Variants in ICE2 observed in about 807,000 individuals in gnomAD.
ICE2 encodes little elongation complex subunit 2.
In ICE2, 87 loss-of-function variants were observed where a neutral mutation model predicts 105.4. The observed-to-expected ratio is 0.83, with a 90% CI of 0.69 to 0.99. The LOEUF (loss-of-function observed/expected upper bound fraction) is 0.99, where lower values mean the gene tolerates loss of function less well. Among genes scored for constraint, ICE2 ranks in the 50% least tolerant of loss-of-function variants. The pLI is 0.00. For missense variants in ICE2, 1,323 were observed against 1,146.7 expected (o/e 1.15, Z -2.22); for synonymous variants, 399 against 392.0 (o/e 1.02, Z -0.21).
In ICE2 at chr15:60,468,166, T is replaced by C. The variant is rs2064483363; in HGVS notation, c.303A>G (p.Ser101=). The part of the protein sequence containing the change: ...RVPYPRFSRF[S]QREQRSYVDL... ...CCACATAACTCCTCTGCTCTCTCTG[T>C]GAGAAACGAGAGAAACGAGGATAAG... The change falls in exon 4 of 16, where the codon TCA becomes TCG. Residue 101 remains serine, a synonymous_variant. Transcript: ENST00000261520. 1 of 1,613,982 alleles carries C rather than the reference T, an allele frequency of 6.2e-7. No individual in the cohort carries two copies. The highest frequency in any genetic ancestry group is 1.3e-5 in the African/African-American group (1 of 74,930).
intron 11 of ICE2, among the ~76,000 whole-genome samples, chr15:60,444,378 GA>G (rs903473474): frequency 2.0e-5 from 3 of 151,328 alleles, no homozygotes; most frequent in African/African-American, 7.3e-5. Context: ...GAAGCCAGGG[GA>G]AAAAAAAGGC....
intron 11 of ICE2, chr15:60,445,449 T>C: frequency 2.3e-6 from 1 of 429,534 alleles, no homozygotes; most frequent in African/African-American, 2.1e-5. Flanking sequence ...GGGGCATACA[T>C]TTTACTAAGA....
intron 11 of ICE2, among the ~76,000 whole-genome samples, chr15:60,446,433 T>C (rs954352030): frequency 6.6e-6 from 1 of 152,188 alleles, no homozygotes; most frequent in Admixed American, 6.5e-5. Context: ...TCTCACTCTG[T>C]TGCCCAGGCT....
chr15:60,440,282 GTGC>G (rs2063690977), intron 12 of ICE2: 1 of 152,154 alleles, frequency 6.6e-6, no homozygotes, highest in African/African-American at 2.4e-5. Flanking sequence ...ACTAAAACTT[GTGC>G]TTATTGAAAC....
Position 60,422,972 on chromosome 15 carries a change from G to C in ICE2, c.*662C>G, listed in dbSNP as rs534082345. On this transcript the variant is annotated 3_prime_UTR_variant, in exon 16 of 16. Transcript: ENST00000261520. ...TTTCAACACTCAGCTTGAATCTAGA[G>C]ATAGAGGCATCTGTCATCAAACATG... The C allele has an allele frequency of 1.3e-5, 2 of 152,660 alleles. No homozygotes were observed. The highest frequency in any genetic ancestry group is 4.1e-4 in the South Asian group (2 of 4,826). The allele number at this position is 152,660 out of a possible 1,614,324, so 9.5% of individuals were successfully genotyped here.
rs770917816 is a variant in ICE2, at chr15:60,449,195, T to C, written c.1772A>G (p.Lys591Arg). 8 of 1,613,994 alleles carry C rather than the reference T, an allele frequency of 5.0e-6. No individual in the cohort carries two copies. The highest frequency in any genetic ancestry group is 1.3e-5 in the African/African-American group (1 of 74,942). Reference sequence around the variant, plus strand: ...TAAGTTAGAACCCACAACAGCTGTCTTTCCATCACTATTATTTTTACATTC... The same window carrying C: ...TAAGTTAGAACCCACAACAGCTGTCCTTCCATCACTATTATTTTTACATTC... ...DTECKNNSDG[K>R]TAVVGSNLSS... Residue 591 changes from lysine to arginine, a missense_variant, in exon 10 of 16, where the codon AAG becomes AGG. Physicochemically the swap from Lys to Arg is conservative, Grantham distance 26. Transcript: ENST00000261520.
In ICE2 at chr15:60,432,505, A is replaced by G. The variant is rs140082840; in HGVS notation, c.2511-521T>C. On this transcript the variant is annotated intron_variant, in intron 13 of 15. Coordinates refer to ENST00000261520, the MANE Select transcript of ICE2 (RefSeq NM_024611.6). ...GGGTCGGGCCAATTTTTGCCATTTCATGATTTCCTTTCATTATCATAATGT... is the reference window on the plus strand; with the variant it reads ...GGGTCGGGCCAATTTTTGCCATTTCGTGATTTCCTTTCATTATCATAATGT... 1.7e-3 allele frequency among the ~76,000 whole-genome samples: 262 copies of G among 151,852 alleles called. 5 individuals carry two copies. The East Asian group carries it at 0.046, about 26-fold the overall frequency.
At chr15:60,453,811 G>A in intron 8 of ICE2, 27 bp from the exon 9 acceptor site, 1 of 1,504,104 alleles carries the variant, frequency 6.6e-7, no homozygotes, top group Non-Finnish European at 9.2e-7. Context: ...AAGAAAAGAG[G>A]TGATTAGTAT....
chr15:60,467,731 T>C (rs2141142459), intron 4 of ICE2, among the ~76,000 whole-genome samples: 1 of 152,372 alleles, frequency 6.6e-6, no homozygotes, highest in African/African-American at 2.4e-5. Context: ...GCTACAAAGA[T>C]GTTCAGCATA....
In ICE2 at chr15:60,476,622, C is replaced by T. The variant is rs116754743; in HGVS notation, c.42-455G>A. 6.2e-3 allele frequency among the ~76,000 whole-genome samples: 945 copies of T among 152,268 alleles called. 17 individuals are homozygous for T. The highest frequency in any genetic ancestry group is 0.022 in the African/African-American group (920 of 41,544). On this transcript the variant is annotated intron_variant, in intron 2 of 15. Transcript: ENST00000261520. ...AAAAGACACTACAAAGACTAAATAGCCTAGCTATTTTGTTTACTTTGGCAA... is the reference window on the plus strand; with the variant it reads ...AAAAGACACTACAAAGACTAAATAGTCTAGCTATTTTGTTTACTTTGGCAA...
rs996069953 is a variant in ICE2, at chr15:60,420,163, T to A, written c.*3471A>T. On this transcript the variant is annotated 3_prime_UTR_variant, in exon 16 of 16. Transcript: ENST00000261520. ...AAGTAGAAATGACTAAAAAAAAAAA[T>A]GAACATTTTAAATTAACTTTCTTCC... 1.6e-4 allele frequency: 22 copies of A among 135,310 alleles called. No homozygotes were observed. The highest frequency in any genetic ancestry group is 5.0e-4 in the African/African-American group (18 of 36,348). 8.4% of individuals were successfully genotyped at this position (135,310 alleles called of 1,614,324 possible). A position where few individuals can be genotyped will look rare whatever the true frequency, so the allele number is the denominator to read the frequency against.
Position 60,449,022 on chromosome 15 carries a change from A to G in ICE2, c.1945T>C (p.Leu649=), listed in dbSNP as rs1202252163. The change falls in exon 10 of 16, where the codon TTA becomes CTA. Residue 649 remains leucine, a synonymous_variant. Coordinates refer to ENST00000261520, the MANE Select transcript of ICE2 (RefSeq NM_024611.6). ...YKKFDPVGEI[L]KMQDELLKPI... ...TTTAAGAGCTCATCCTGCATTTTTA[A>G]AATCTCTCCAACTGGATCAAATTTT... 9.9e-6 allele frequency: 16 copies of G among 1,613,664 alleles called. No individual in the cohort carries two copies. Among genetic ancestry groups the G allele is most frequent in the Non-Finnish European group, 1.3e-5 (15 of 1,179,970 alleles).
At chr15:60,427,545 C>T (rs1312936530) in intron 15 of ICE2, among the ~76,000 whole-genome samples, 1 of 152,152 alleles carries the variant, frequency 6.6e-6, no homozygotes, top group African/African-American at 2.4e-5. Context: ...CTCAGCCTCT[C>T]CAGTAGCTGG....
chr15:60,460,050 G>A (rs1052233261), intron 5 of ICE2, among the ~76,000 whole-genome samples: 1 of 152,166 alleles, frequency 6.6e-6, no homozygotes, highest in Non-Finnish European at 1.5e-5. Flanking sequence ...ATCCCACCTA[G>A]ATTTTTGTAG....
intron 4 of ICE2, 86 bp from the exon 5 acceptor site, chr15:60,466,799 G>T: frequency 8.8e-7 from 1 of 1,138,914 alleles, no homozygotes; most frequent in Non-Finnish European, 1.2e-6. Context: ...TAATAATTTG[G>T]ACTTAAAGAA....
chr15:60,445,093 T>C (rs1017894603), intron 11 of ICE2, among the ~76,000 whole-genome samples: 3 of 152,154 alleles, frequency 2.0e-5, no homozygotes, highest in Non-Finnish European at 2.9e-5. Context: ...TAAATGATAC[T>C]GGAAACTAAA....
At chr15:60,467,665 T>C (rs2064468453) in intron 4 of ICE2, among the ~76,000 whole-genome samples, 1 of 152,222 alleles carries the variant, frequency 6.6e-6, no homozygotes, top group African/African-American at 2.4e-5. Context: ...GGTTTTGATC[T>C]GGCAGTTTTA....
chr15:60,425,011 C>A (rs2063310899), intron 15 of ICE2, among the ~76,000 whole-genome samples: 1 of 152,156 alleles, frequency 6.6e-6, no homozygotes, highest in South Asian at 2.1e-4. Context: ...CCCGTCCAGT[C>A]AATTTCAGGC....
At chr15:60,427,045 T>G (rs1028729301) in intron 15 of ICE2, among the ~76,000 whole-genome samples, 44 of 152,356 alleles carry the variant, frequency 2.9e-4, no homozygotes, top group African/African-American at 1.0e-3. Context: ...ATTTATATTT[T>G]CTTGGCCAAA....
Sources: allele counts gnomAD v4.1 joint callset (sites outside exome capture counted in the v4.1 genomes callset), GRCh38; gene constraint gnomAD v4.1.1; transcripts MANE v1.5; gene names NCBI Gene and HGNC (gene_info 2026-07-23, HGNC 2026-07-21).